OR1F1: variants seen among roughly 807,000 people sequenced by gnomAD.
OR1F1 encodes olfactory receptor 1F1.
For missense variants in OR1F1, 493 were observed against 376.3 expected (o/e 1.31, Z -2.57); for synonymous variants, 184 against 156.7 (o/e 1.17, Z -1.30).
the OR1F1 span, among the ~76,000 whole-genome samples, chr16:3,192,181 T>C: frequency 1.3e-5 from 2 of 152,158 alleles, no homozygotes; most frequent in Non-Finnish European, 2.9e-5. Context: ...CTCAGCCTCC[T>C]GAGTAGCTGG....
chr16:3,192,458 G>C, the OR1F1 span, among the ~76,000 whole-genome samples: 2 of 152,230 alleles, frequency 1.3e-5, no homozygotes, highest in Non-Finnish European at 2.9e-5. Context: ...TAAAGTTACT[G>C]GGGGAATTTA....
chr16:3,205,554 C>T (rs1160269711), downstream of OR1F1, among the ~76,000 whole-genome samples: 2 of 151,566 alleles, frequency 1.3e-5, no homozygotes, highest in African/African-American at 2.4e-5. Context: ...AAGTCAGGGA[C>T]CCTGAACAGA....
At chr16:3,188,628 G>C in the OR1F1 span, 1 of 152,098 alleles carries the variant, frequency 6.6e-6, no homozygotes, top group Non-Finnish European at 1.5e-5. Context: ...TGGCGGGGTG[G>C]GGGTCTCGGC....
At chr16:3,192,676 C>T in the OR1F1 span, among the ~76,000 whole-genome samples, 1 of 152,136 alleles carries the variant, frequency 6.6e-6, no homozygotes, top group African/African-American at 2.4e-5. Flanking sequence ...TTTTGTCTGG[C>T]TCCTTGCTTC....
rs779333023 is a variant in OR1F1, at chr16:3,204,916, A to T, written c.670A>T (p.Thr224Ser). 1.9e-6 allele frequency: 3 copies of T among 1,614,136 alleles called. No homozygotes were observed. In the South Asian group the frequency reaches 3.3e-5, roughly 18 times the overall value. The stretch of plus-strand genomic sequence containing the variant: ...GGCTTCTTATATGCACATCACCTGC[A>T]CTGTCCTGAAGGTCCCATCCACAAA... The change falls in exon 1 of 1, where the codon ACT becomes TCT. Residue 224 changes from threonine to serine, a missense_variant. Thr to Ser is a moderately conservative substitution (Grantham distance 58, BLOSUM62 1). Transcript: ENST00000304646.
At chr16:3,195,177 T>C in the OR1F1 span, among the ~76,000 whole-genome samples, 1 of 151,836 alleles carries the variant, frequency 6.6e-6, no homozygotes, top group South Asian at 2.1e-4. Context: ...CCTCCGGCGC[T>C]CTCCCCCCAA....
the OR1F1 span, among the ~76,000 whole-genome samples, chr16:3,198,710 T>C: frequency 6.6e-6 from 1 of 152,098 alleles, no homozygotes; most frequent in Non-Finnish European, 1.5e-5. Context: ...ATCACAGCGG[T>C]GGACGCGGTG....
the OR1F1 span, among the ~76,000 whole-genome samples, chr16:3,188,987 T>C: frequency 0.18 from 26,660 of 152,228 alleles, 2,854 homozygotes; most frequent in Non-Finnish European, 0.24. Context: ...TCAGCCATCC[T>C]GGGCACTTGA....
chr16:3,205,182 C>T lies in OR1F1; in HGVS notation c.936C>T (p.Val312=), dbSNP rs527335016. ...TAGTTGGCAGGGTGGTGTTTTCTGT[C>T]TGATGAAATAATCAAGACTGAATCT... The change falls in exon 1 of 1, where the codon GTC becomes GTT. Residue 312 remains valine, a synonymous_variant. Coordinates refer to ENST00000304646, the Ensembl canonical transcript of OR1F1. 18 of 1,602,170 alleles carry T rather than the reference C, an allele frequency of 1.1e-5. No individual in the cohort carries two copies. In the South Asian group the frequency reaches 1.8e-4, roughly 16 times the overall value.
the OR1F1 span, among the ~76,000 whole-genome samples, chr16:3,195,205 GC>G: frequency 1.3e-5 from 2 of 152,162 alleles, no homozygotes; most frequent in Admixed American, 1.3e-4. Flanking sequence ...TTCTCTTCCT[GC>G]CGCTACGGAA....
chr16:3,201,808 C>T (rs1421608550), upstream of OR1F1, among the ~76,000 whole-genome samples: 2 of 152,152 alleles, frequency 1.3e-5, no homozygotes, highest in African/African-American at 2.4e-5. Flanking sequence ...CAGTGACACC[C>T]AGGCGTCACT....
At chr16:3,199,115 CAAAAAAAAAAAAAAAAAAAA>C in the OR1F1 span, among the ~76,000 whole-genome samples, 14 of 52,576 alleles carry the variant, frequency 2.7e-4, no homozygotes, top group East Asian at 2.9e-3. Flanking sequence ...CCTGTCTCTA[CAAAAAAAAAAAAAAAAAAAA>C]AAAAAAAAAA....
chr16:3,203,567 C>G (rs1479992161), upstream of OR1F1, among the ~76,000 whole-genome samples: 2 of 152,164 alleles, frequency 1.3e-5, no homozygotes, highest in Non-Finnish European at 2.9e-5. Flanking sequence ...AGATAGAGAC[C>G]ATCATGGCCA....
At chr16:3,202,605 G>C (rs1958146568), upstream of OR1F1, among the ~76,000 whole-genome samples, 1 of 150,998 alleles carries the variant, frequency 6.6e-6, no homozygotes, top group Non-Finnish European at 1.5e-5. Context: ...TGGTGGGCAT[G>C]GTAGTGCACG....
chr16:3,193,806 A>G, the OR1F1 span, among the ~76,000 whole-genome samples: 1 of 152,174 alleles, frequency 6.6e-6, no homozygotes, highest in Admixed American at 6.5e-5. Context: ...TATGTTGCTC[A>G]AGCTGGCATA....
At chr16:3,192,917 TA>T in the OR1F1 span, among the ~76,000 whole-genome samples, 10 of 151,274 alleles carry the variant, frequency 6.6e-5, no homozygotes, top group Middle Eastern at 3.4e-3. Flanking sequence ...CCCGCGGGAT[TA>T]AAAAAAAAGA....
chr16:3,205,779 A>C (rs1958201049), downstream of OR1F1, among the ~76,000 whole-genome samples: 1 of 152,114 alleles, frequency 6.6e-6, no homozygotes, highest in Admixed American at 6.6e-5. Context: ...TTAATCTCTT[A>C]ATCCTGTTAT....
upstream of OR1F1, among the ~76,000 whole-genome samples, chr16:3,200,757 G>C (rs1958127730): frequency 2.0e-5 from 3 of 152,136 alleles, no homozygotes; most frequent in South Asian, 6.2e-4. Context: ...TGAATGCTGA[G>C]GCTTACTGTG....
the OR1F1 span, among the ~76,000 whole-genome samples, chr16:3,192,947 T>C: frequency 1.3e-5 from 2 of 152,210 alleles, no homozygotes; most frequent in African/African-American, 4.8e-5. Flanking sequence ...AAATTTTTTA[T>C]CTTTTTTGAA....
Sources: allele counts gnomAD v4.1 joint callset (sites outside exome capture counted in the v4.1 genomes callset), GRCh38; gene constraint gnomAD v4.1.1; transcripts MANE v1.5; gene names NCBI Gene and HGNC (gene_info 2026-07-23, HGNC 2026-07-21).